The following UBR3 variants were observed in gnomAD, a reference collection of about 807,000 sequenced individuals.
The protein encoded by UBR3 is E3 ubiquitin-protein ligase UBR3.
UBR3 carries 85 observed loss-of-function variants against 243.2 expected under a neutral mutation model. The ratio of observed to expected loss-of-function variants is 0.35; its 90% CI spans 0.29 to 0.42. The LOEUF is 0.42. UBR3 is among the 10% of genes least tolerant of loss of function. The probability of loss-of-function intolerance (pLI) is 1.00; values close to 1 mark genes in which losing one functional copy is unlikely to be tolerated. For synonymous variants in UBR3, 748 were observed against 799.8 expected, an observed-to-expected ratio of 0.94 and a Z score of 1.09; for missense variants, 1,686 against 2,300.8, an observed-to-expected ratio of 0.73 and a Z score of 5.47.
intron 11 of UBR3, 141 bp downstream of exon 11, chr2:169,914,287 T>C: frequency 2.5e-6 from 1 of 405,126 alleles, no homozygotes; most frequent in Non-Finnish European, 4.2e-6. Flanking sequence ...TTATTAGGCT[T>C]TGAAAAAGAA....
At chr2:170,023,811 C>A (rs757742766) in intron 30 of UBR3, among the ~76,000 whole-genome samples, 3 of 152,012 alleles carry the variant, frequency 2.0e-5, no homozygotes, top group Non-Finnish European at 4.4e-5. Context: ...CTCCTGAACT[C>A]GTGATCCACC....
chr2:169,950,446 T>C (rs1332215630), intron 23 of UBR3, among the ~76,000 whole-genome samples: 18 of 152,078 alleles, frequency 1.2e-4, no homozygotes. Flanking sequence ...ACTGCTTTAG[T>C]TTCTTTTGGT....
At chr2:169,900,979 G>A (rs1206867884) in intron 8 of UBR3, among the ~76,000 whole-genome samples, 1 of 152,110 alleles carries the variant, frequency 6.6e-6, no homozygotes, top group Non-Finnish European at 1.5e-5. Flanking sequence ...GATAAATTAT[G>A]TGGTTTACCC....
intron 1 of UBR3, among the ~76,000 whole-genome samples, chr2:169,845,200 A>C (rs2082425402): frequency 6.6e-6 from 1 of 151,978 alleles, no homozygotes; most frequent in African/African-American, 2.4e-5. Flanking sequence ...AGGGTGGTGA[A>C]TCACTTGAGC....
At chr2:170,061,874 A>G (rs1359546377) in intron 35 of UBR3, among the ~76,000 whole-genome samples, 4 of 152,208 alleles carry the variant, frequency 2.6e-5, no homozygotes, top group Non-Finnish European at 5.9e-5. Context: ...AAAGGAATAA[A>G]TATTTAGGAT....
At chr2:170,034,196 TCTGTAGTTACATTAGGGTTCACTCTTG>T (rs2090764254) in intron 31 of UBR3, among the ~76,000 whole-genome samples, 1 of 151,950 alleles carries the variant, frequency 6.6e-6, no homozygotes, top group Admixed American at 6.6e-5. Flanking sequence ...TCACCCAAAG[TCTGTAGTTACATTAGGGTTCACTCTTG>T]CTGTTGAAGA....
chr2:169,884,254 C>A (rs781669638), intron 5 of UBR3, among the ~76,000 whole-genome samples: 1 of 150,152 alleles, frequency 6.7e-6, no homozygotes, highest in Non-Finnish European at 1.5e-5. Flanking sequence ...CTCCCAGGTT[C>A]ACGCCATTCT....
intron 35 of UBR3, among the ~76,000 whole-genome samples, chr2:170,063,316 T>C (rs1262186659): frequency 2.0e-5 from 3 of 152,146 alleles, no homozygotes; most frequent in African/African-American, 7.2e-5. Context: ...GCACAGGGGA[T>C]GGAATGAAAG....
At chr2:170,016,559 A>G (rs1328793610) in intron 30 of UBR3, among the ~76,000 whole-genome samples, 3 of 151,858 alleles carry the variant, frequency 2.0e-5, no homozygotes, top group Non-Finnish European at 2.9e-5. Context: ...AGTTATATAA[A>G]TTATTCCTTC....
intron 8 of UBR3, among the ~76,000 whole-genome samples, chr2:169,898,519 A>T (rs1371259403): frequency 8.3e-6 from 1 of 120,502 alleles, no homozygotes; most frequent in African/African-American, 2.5e-5. Context: ...GAAGTCAATG[A>T]TCTGTGATCT....
At chr2:169,836,053 A>T (rs2082091637) in intron 1 of UBR3, among the ~76,000 whole-genome samples, 1 of 36,306 alleles carries the variant, frequency 2.8e-5, no homozygotes, top group African/African-American at 7.8e-5. Context: ...CTATATATAT[A>T]TATATATATA....
chr2:169,856,729 G>A (rs192627943), intron 1 of UBR3, among the ~76,000 whole-genome samples: 1,771 of 152,174 alleles, frequency 0.012, 50 homozygotes, highest in African/African-American at 0.039. Flanking sequence ...GCACTCGGTA[G>A]GCTGAGGCAG....
chr2:170,067,114 A>G (rs560019402), intron 35 of UBR3, among the ~76,000 whole-genome samples: 182 of 152,216 alleles, frequency 1.2e-3, no homozygotes, highest in African/African-American at 4.2e-3. Context: ...GCAGAATTTG[A>G]AAACATTTAG....
At chr2:170,031,385 T>C (rs2090664863) in intron 31 of UBR3, among the ~76,000 whole-genome samples, 1 of 152,160 alleles carries the variant, frequency 6.6e-6, no homozygotes, top group Admixed American at 6.6e-5. Context: ...AATATAGTCA[T>C]ATTAATCTTT....
intron 2 of UBR3, 33 bp from the exon 3 acceptor site, chr2:169,875,758 C>T: frequency 1.4e-6 from 2 of 1,475,160 alleles, no homozygotes; most frequent in Admixed American, 5.3e-5. Flanking sequence ...ACAAAATTAC[C>T]CTTATTTGAT....
intron 2 of UBR3, among the ~76,000 whole-genome samples, chr2:169,874,503 AAAATTAAAG>A (rs1382950260): frequency 6.6e-6 from 1 of 152,160 alleles, no homozygotes; most frequent in African/African-American, 2.4e-5. Context: ...ATTACTGTTT[AAAATTAAAG>A]AAATTAAAGA....
intron 35 of UBR3, among the ~76,000 whole-genome samples, chr2:170,072,462 A>T (rs907749017): frequency 6.6e-6 from 1 of 152,052 alleles, no homozygotes; most frequent in Non-Finnish European, 1.5e-5. Context: ...TAGGAGATAT[A>T]CCTAATGCTA....
chr2:169,941,160 T>C (rs2086568038), intron 19 of UBR3, among the ~76,000 whole-genome samples: 1 of 152,174 alleles, frequency 6.6e-6, no homozygotes, highest in Admixed American at 6.5e-5. Context: ...TCACTTCATC[T>C]CATCACATAG....
intron 33 of UBR3, among the ~76,000 whole-genome samples, chr2:170,057,800 A>G (rs1422996071): frequency 6.6e-6 from 1 of 152,138 alleles, no homozygotes; most frequent in Non-Finnish European, 1.5e-5. Flanking sequence ...ATAAATATAT[A>G]TTAGTGTATT....
Sources: gnomAD v4.1 joint callset for allele counts (sites outside exome capture counted in the v4.1 genomes callset) on GRCh38, gnomAD v4.1.1 for gene constraint, MANE v1.5 for transcripts, NCBI Gene and HGNC (gene_info 2026-07-23, HGNC 2026-07-21) for gene names.